Variants in CIAPIN1 observed in about 807,000 individuals in gnomAD.
CIAPIN1 encodes the protein cytokine induced apoptosis inhibitor 1.
A neutral mutation model predicts 34.3 loss-of-function variants in CIAPIN1; 18 were observed. The ratio of observed to expected loss-of-function variants is 0.52; its 90% CI spans 0.36 to 0.78. The LOEUF is 0.78. Among genes scored for constraint, CIAPIN1 ranks in the 30% least tolerant of loss-of-function variants. The probability of loss-of-function intolerance (pLI) is 0.00; values close to 1 mark genes in which losing one functional copy is unlikely to be tolerated. For synonymous variants in CIAPIN1, 131 were observed against 140.4 expected, an observed-to-expected ratio of 0.93 and a Z score of 0.47; for missense variants, 310 against 372.5, an observed-to-expected ratio of 0.83 and a Z score of 1.38.
chr16:57,443,798 CTT>C (rs2029947301), intron 1 of CIAPIN1, among the ~76,000 whole-genome samples: 1 of 152,152 alleles, frequency 6.6e-6, no homozygotes, highest in Non-Finnish European at 1.5e-5. Flanking sequence ...AGAACTGAAA[CTT>C]TTAACTGGCA....
chr16:57,436,142 G>C (rs1011650205), intron 4 of CIAPIN1, among the ~76,000 whole-genome samples: 3 of 152,194 alleles, frequency 2.0e-5, no homozygotes, highest in African/African-American at 7.2e-5. Context: ...CACTAAACTA[G>C]TACCAAGGAG....
In CIAPIN1 at chr16:57,439,204, C is replaced by T. The variant is rs2146567516; in HGVS notation, c.288G>A (p.Lys96=). 4 of 1,614,004 alleles carry T rather than the reference C, an allele frequency of 2.5e-6. No individual in the cohort carries two copies. The highest frequency in any genetic ancestry group is 3.4e-6 in the Non-Finnish European group (4 of 1,180,042). ...TACCTACAGCTGTCTCTACTGGCTC[C>T]TTCAGAAAAAGACATCCACCAGGCC... The part of the protein sequence containing the change: ...ILRPGGCLFL[K]EPVETAVDNN... The change falls in exon 3 of 9, where the codon AAG becomes AAA. Residue 96 remains lysine (K), a synonymous_variant. Transcript: ENST00000394391.
intron 7 of CIAPIN1, among the ~76,000 whole-genome samples, 157 bp downstream of exon 7, chr16:57,430,994 G>A (rs1567569730): frequency 6.6e-6 from 1 of 151,920 alleles, no homozygotes; most frequent in African/African-American, 2.4e-5. Flanking sequence ...CACCATGCCT[G>A]GCTAATTTTT....
In CIAPIN1 at chr16:57,431,140, C is replaced by T. The variant is rs1313506137; in HGVS notation, c.746+11G>A. 4 of 1,574,540 alleles carry T rather than the reference C, an allele frequency of 2.5e-6. No homozygotes were observed. Among genetic ancestry groups the T allele is most frequent in the South Asian group, 2.2e-5 (2 of 90,198 alleles). On this transcript the variant is annotated intron_variant, in intron 7 of 8. Transcript: ENST00000394391. Reference sequence around the variant, plus strand: ...GGCAGCATGGCAGGCTCCAGTCACCCCAGCACTCACCAGTTCTTACAGGCC... The same window carrying T: ...GGCAGCATGGCAGGCTCCAGTCACCTCAGCACTCACCAGTTCTTACAGGCC...
At chr16:57,442,890 C>T (rs1351410379) in intron 1 of CIAPIN1, among the ~76,000 whole-genome samples, 4 of 152,114 alleles carry the variant, frequency 2.6e-5, no homozygotes, top group African/African-American at 9.7e-5. Context: ...CTGTATCTCC[C>T]ACCATTCCAA....
chr16:57,436,388 C>T (rs1419747720), intron 4 of CIAPIN1, among the ~76,000 whole-genome samples: 44 of 152,012 alleles, frequency 2.9e-4, no homozygotes, highest in Admixed American at 2.8e-3. Context: ...CCACCAGGCC[C>T]GACTAATTTT....
intron 3 of CIAPIN1, among the ~76,000 whole-genome samples, chr16:57,438,803 C>G (rs1200551516): frequency 6.6e-6 from 1 of 152,210 alleles, no homozygotes; most frequent in Non-Finnish European, 1.5e-5. Flanking sequence ...TTGTACAGTA[C>G]AGAGCCTTTT....
chr16:57,429,375 G>A, intron 8 of CIAPIN1, 95 bp from the exon 9 acceptor site: 1 of 796,062 alleles, frequency 1.3e-6, no homozygotes, highest in East Asian at 2.6e-5. Flanking sequence ...GGCCACAGTG[G>A]CCTGAAGGAA....
chr16:57,430,160 C>CT, intron 8 of CIAPIN1, 98 bp downstream of exon 8: 1 of 1,046,588 alleles, frequency 9.6e-7, no homozygotes, highest in Non-Finnish European at 1.5e-6. Context: ...TCGTCTGTTA[C>CT]TAAAATATTT....
rs1373214270 is a variant in CIAPIN1, at chr16:57,428,559, A to T, written c.*611T>A. Reference sequence around the variant, plus strand: ...GCAGAATCTCAAGATATGTCAAGATATGCAGCAAGTTTAATACCTGAAGGT... The same window carrying T: ...GCAGAATCTCAAGATATGTCAAGATTTGCAGCAAGTTTAATACCTGAAGGT... On this transcript the variant is annotated 3_prime_UTR_variant, in exon 9 of 9. Transcript: ENST00000394391. 1 of 152,336 alleles carries T rather than the reference A, an allele frequency of 6.6e-6. No individual in the cohort carries two copies. Among genetic ancestry groups the T allele is most frequent in the African/African-American group, 2.4e-5 (1 of 41,462 alleles). The allele number at this position is 152,336 out of a possible 1,614,324, so 9.4% of individuals were successfully genotyped here.
chr16:57,433,251 G>A (rs769911860), intron 5 of CIAPIN1, among the ~76,000 whole-genome samples: 3 of 152,188 alleles, frequency 2.0e-5, no homozygotes, highest in Non-Finnish European at 4.4e-5. Context: ...GCAAATCCTC[G>A]CAGGCCCTTG....
chr16:57,437,911 T>C (rs1271715276), intron 3 of CIAPIN1, among the ~76,000 whole-genome samples: 2 of 150,534 alleles, frequency 1.3e-5, no homozygotes, highest in South Asian at 2.1e-4. Context: ...ATTCCATTAT[T>C]ATTGTTTTTT....
chr16:57,428,992 A>T lies in CIAPIN1; in HGVS notation c.*178T>A. 1 of 553,944 alleles carries T rather than the reference A, an allele frequency of 1.8e-6. No individual in the cohort carries two copies. Among genetic ancestry groups the T allele is most frequent in the South Asian group, 2.4e-5 (1 of 42,012 alleles). 34.3% of individuals were successfully genotyped at this position (553,944 alleles called of 1,614,324 possible). A position where few individuals can be genotyped will look rare whatever the true frequency, so the allele number is the denominator to read the frequency against. Reference sequence around the variant, plus strand: ...CCATAATACCTTGGTCTTTTGATACACAGCAGCACTACACACCACTGTGCC... The same window carrying T: ...CCATAATACCTTGGTCTTTTGATACTCAGCAGCACTACACACCACTGTGCC... On this transcript the variant is annotated 3_prime_UTR_variant, in exon 9 of 9. Coordinates refer to ENST00000394391, the MANE Select transcript of CIAPIN1 (RefSeq NM_020313.4).
rs149588513 is a variant in CIAPIN1 at position 57,436,888 on chromosome 16, G to A, written c.311-156C>T. ...AATCCCAGCACTTTGGGAGGCTGAG[G>A]TGGACAGATCACTTGGGGCCAGGAG... On this transcript the variant is annotated intron_variant, in intron 3 of 8. Transcript: ENST00000394391. Among the ~76,000 whole-genome samples the A allele has an allele frequency of 8.9e-3, 1,353 of 152,234 alleles. 18 individuals are homozygous for A. The highest frequency in any genetic ancestry group is 0.031 in the African/African-American group (1,280 of 41,528).
intron 1 of CIAPIN1, among the ~76,000 whole-genome samples, chr16:57,444,729 G>C (rs1434901026): frequency 6.6e-6 from 1 of 152,168 alleles, no homozygotes; most frequent in African/African-American, 2.4e-5. Context: ...AATAAAATAG[G>C]AGATAATATT....
At chr16:57,431,046 C>T in intron 7 of CIAPIN1, 105 bp downstream of exon 7, 1 of 644,290 alleles carries the variant, frequency 1.6e-6, no homozygotes. Context: ...CCCTGTGTTG[C>T]CCAGCCTGGA....
chr16:57,438,620 T>C (rs1903256067), intron 3 of CIAPIN1, among the ~76,000 whole-genome samples: 1 of 152,238 alleles, frequency 6.6e-6, no homozygotes, highest in African/African-American at 2.4e-5. Context: ...TTTTATTATA[T>C]GTGTAGATTT....
In CIAPIN1 at chr16:57,429,195, C is replaced by T. The variant is rs1308796532; in HGVS notation, c.914G>A (p.Ser305Asn). The part of the protein sequence containing the change: ...AFKPGEKVLL[S>N]DSNLHDA The stretch of plus-strand genomic sequence containing the variant: ...CTAGGCATCATGAAGATTGCTATCA[C>T]TCAGAAGCACCTTTTCCCCAGGTTT... The change falls in exon 9 of 9, where the codon AGT becomes AAT. Residue 305 changes from serine (S) to asparagine (N), a missense_variant. By Grantham distance (46) the Ser-to-Asn change is conservative. Coordinates refer to ENST00000394391, the MANE Select transcript of CIAPIN1 (RefSeq NM_020313.4). 5 of 1,612,882 alleles carry T rather than the reference C, an allele frequency of 3.1e-6. No individual in the cohort carries two copies. In the African/African-American group the frequency reaches 5.3e-5, roughly 17 times the overall value.
In CIAPIN1 at chr16:57,434,083, G is replaced by T; in HGVS notation, c.517C>A (p.Gln173Lys). 1 of 1,614,128 alleles carries T rather than the reference G, an allele frequency of 6.2e-7. No homozygotes were observed. Among genetic ancestry groups the T allele is most frequent in the Non-Finnish European group, 8.5e-7 (1 of 1,180,000 alleles). The change falls in exon 5 of 9, where the codon CAG becomes AAG. Residue 173 changes from glutamine to lysine, a missense_variant. Coordinates refer to ENST00000394391, the MANE Select transcript of CIAPIN1 (RefSeq NM_020313.4). ...KPNFEVGSSR[Q>K]LKLSITKKSS... ...TTCTTGGTGATGGAAAGCTTAAGCT[G>T]CCTAGAAGAACCCACTTCAAAGTTT...
Sources: allele counts gnomAD v4.1 joint callset (sites outside exome capture counted in the v4.1 genomes callset), GRCh38; gene constraint gnomAD v4.1.1; transcripts MANE v1.5; gene names NCBI Gene and HGNC (gene_info 2026-07-23, HGNC 2026-07-21).